The following MARCHF1 variants were observed in gnomAD, a reference collection of about 807,000 sequenced individuals.
MARCHF1 encodes the protein membrane associated ring-CH-type finger 1, also known as E3 ubiquitin-protein ligase MARCHF1.
Under a neutral mutation model 54.2 loss-of-function variants are expected in MARCHF1, and 40 were observed. The observed-to-expected ratio is 0.74, with a 90% CI of 0.57 to 0.96. MARCHF1 has a LOEUF of 0.96. Among genes scored for constraint, MARCHF1 ranks in the 40% least tolerant of loss-of-function variants. The pLI, the probability that MARCHF1 is intolerant of heterozygous loss-of-function variation, is 0.00. For missense variants in MARCHF1, 586 were observed against 656.5 expected, an observed-to-expected ratio of 0.89 and a Z score of 1.17; for synonymous variants, 236 against 236.3, an observed-to-expected ratio of 1.00 and a Z score of 0.01.
At chr4:164,075,048 T>G (rs969511773) in intron 2 of MARCHF1, among the ~76,000 whole-genome samples, 11 of 152,112 alleles carry the variant, frequency 7.2e-5, no homozygotes, top group African/African-American at 2.7e-4. Context: ...AATGATAAAA[T>G]AGATCAGTAA....
intron 3 of MARCHF1, among the ~76,000 whole-genome samples, chr4:163,949,485 C>T (rs1443809819): frequency 6.6e-6 from 1 of 152,224 alleles, no homozygotes; most frequent in African/African-American, 2.4e-5. Context: ...GAGAAAGGGG[C>T]CTGTGTCAGC....
chr4:164,185,940 C>T (rs1382665586), intron 1 of MARCHF1, among the ~76,000 whole-genome samples: 1 of 152,158 alleles, frequency 6.6e-6, no homozygotes, highest in East Asian at 1.9e-4. Flanking sequence ...GTTACCCAGG[C>T]TGGAGTGCAG....
At chr4:163,960,840 T>C (rs1480418272) in intron 3 of MARCHF1, among the ~76,000 whole-genome samples, 1 of 151,104 alleles carries the variant, frequency 6.6e-6, no homozygotes, top group African/African-American at 2.4e-5. Context: ...AGACTGGGTA[T>C]CTTAAATAAC....
chr4:163,553,474 A>G (rs1739181578), intron 8 of MARCHF1, among the ~76,000 whole-genome samples: 1 of 152,232 alleles, frequency 6.6e-6, no homozygotes. Context: ...TATGTCTCAT[A>G]TCAGGAAAAT....
chr4:163,972,151 G>A (rs1389884518), intron 3 of MARCHF1, among the ~76,000 whole-genome samples: 1 of 151,982 alleles, frequency 6.6e-6, no homozygotes, highest in Non-Finnish European at 1.5e-5. Context: ...CGAACAATGA[G>A]AACACATGGA....
At chr4:163,601,810 T>A (rs967513569) in intron 7 of MARCHF1, among the ~76,000 whole-genome samples, 3 of 152,056 alleles carry the variant, frequency 2.0e-5, no homozygotes, top group Non-Finnish European at 4.4e-5. Context: ...AAGGCACAAC[T>A]TGTTAAATAA....
chr4:163,857,861 G>A (rs1454221437), intron 3 of MARCHF1, among the ~76,000 whole-genome samples: 1 of 151,866 alleles, frequency 6.6e-6, no homozygotes, highest in Non-Finnish European at 1.5e-5. Context: ...ATTAGGAGGG[G>A]AAACAGAGAA....
At chr4:163,967,132 T>C (rs945542955) in intron 3 of MARCHF1, among the ~76,000 whole-genome samples, 10 of 152,134 alleles carry the variant, frequency 6.6e-5, no homozygotes, top group African/African-American at 2.4e-4. Flanking sequence ...AAATGTCTTT[T>C]GGAATCAGAT....
intron 2 of MARCHF1, among the ~76,000 whole-genome samples, chr4:164,049,148 C>T (rs1754301755): frequency 6.6e-6 from 1 of 152,138 alleles, no homozygotes; most frequent in Non-Finnish European, 1.5e-5. Context: ...GCTGAGAAGA[C>T]CTCAGGAAAC....
chr4:164,257,608 A>G (rs78726392), intron 1 of MARCHF1, among the ~76,000 whole-genome samples: 1 of 152,008 alleles, frequency 6.6e-6, no homozygotes, highest in African/African-American at 2.4e-5. Context: ...AAAATATATA[A>G]CATATGATAT....
intron 4 of MARCHF1, among the ~76,000 whole-genome samples, chr4:163,750,321 C>T (rs894131633): frequency 6.6e-6 from 1 of 151,780 alleles, no homozygotes. Context: ...ACCATCCTGG[C>T]TAACACGGTG....
chr4:164,008,166 T>C (rs1326410284), intron 2 of MARCHF1, among the ~76,000 whole-genome samples: 2 of 152,020 alleles, frequency 1.3e-5, no homozygotes, highest in Non-Finnish European at 2.9e-5. Context: ...TGGAAACCAA[T>C]AAAGAGCAGA....
intron 4 of MARCHF1, among the ~76,000 whole-genome samples, chr4:163,775,623 A>G (rs1445105686): frequency 6.6e-6 from 1 of 152,180 alleles, no homozygotes; most frequent in East Asian, 1.9e-4. Context: ...TGAAAACAGC[A>G]GATATTATTT....
intron 1 of MARCHF1, among the ~76,000 whole-genome samples, chr4:164,113,171 G>T (rs999318967): frequency 3.3e-5 from 5 of 151,754 alleles, no homozygotes; most frequent in Non-Finnish European, 5.9e-5. Context: ...TAATGAAATT[G>T]GTATATTAAA....
intron 4 of MARCHF1, among the ~76,000 whole-genome samples, chr4:163,723,251 T>C (rs1234896771): frequency 6.6e-6 from 1 of 152,198 alleles, no homozygotes; most frequent in Admixed American, 6.5e-5. Flanking sequence ...TTTGCTTGTC[T>C]GTAAAGGATT....
At chr4:164,162,933 C>T (rs1202103742) in intron 1 of MARCHF1, among the ~76,000 whole-genome samples, 1 of 152,046 alleles carries the variant, frequency 6.6e-6, no homozygotes, top group Non-Finnish European at 1.5e-5. Flanking sequence ...TGACAGCTAA[C>T]TTCTCAAGAG....
chr4:163,843,334 A>C (rs1021231250), intron 4 of MARCHF1, among the ~76,000 whole-genome samples: 1 of 152,078 alleles, frequency 6.6e-6, no homozygotes, highest in Non-Finnish European at 1.5e-5. Flanking sequence ...ATGCGAGTGC[A>C]TGTGTTTTTT....
intron 2 of MARCHF1, among the ~76,000 whole-genome samples, chr4:164,078,578 CAAAGTA>C (rs1755027649): frequency 3.3e-5 from 5 of 151,526 alleles, no homozygotes; most frequent in Admixed American, 3.3e-4. Flanking sequence ...TTGTGTTCAA[CAAAGTA>C]AAAGATTTAA....
At chr4:164,195,487 T>C (rs945609028) in intron 1 of MARCHF1, among the ~76,000 whole-genome samples, 1 of 152,170 alleles carries the variant, frequency 6.6e-6, no homozygotes. Context: ...TCTTTTTTTA[T>C]CCCCACAATT....
Sources: allele counts gnomAD v4.1 joint callset (sites outside exome capture counted in the v4.1 genomes callset), GRCh38; gene constraint gnomAD v4.1.1; transcripts MANE v1.5; gene names NCBI Gene and HGNC (gene_info 2026-07-23, HGNC 2026-07-21).